MINDY3: variants seen among roughly 807,000 people sequenced by gnomAD.
MINDY3 encodes ubiquitin carboxyl-terminal hydrolase MINDY-3.
A neutral mutation model predicts 69.2 loss-of-function variants in MINDY3; 38 were observed. The ratio of observed to expected loss-of-function variants is 0.55; its 90% confidence interval spans 0.42 to 0.72. The LOEUF (loss-of-function observed/expected upper bound fraction) is 0.72, where lower values mean the gene tolerates loss of function less well. Ranked by LOEUF, MINDY3 falls within the 30% of genes least tolerant of loss-of-function variation. The pLI, the probability that MINDY3 is intolerant of heterozygous loss-of-function variation, is 0.00. For synonymous variants in MINDY3, 192 were observed against 180.1 expected (o/e 1.07, Z -0.53); for missense variants, 522 against 519.0 (o/e 1.01, Z -0.06).
chr10:15,793,822 A>G (rs1312255290), intron 11 of MINDY3, among the ~76,000 whole-genome samples: 1 of 152,064 alleles, frequency 6.6e-6, no homozygotes, highest in Non-Finnish European at 1.5e-5. Context: ...TGCTTCAGAA[A>G]TCGTAACATT....
chr10:15,832,171 G>A (rs905331474), intron 8 of MINDY3, among the ~76,000 whole-genome samples: 3 of 152,116 alleles, frequency 2.0e-5, no homozygotes, highest in South Asian at 2.1e-4. Context: ...AGTACCAAGT[G>A]TGAGAGAGAG....
intron 14 of MINDY3, among the ~76,000 whole-genome samples, chr10:15,781,465 A>ATTT (rs1008219750): frequency 3.3e-5 from 5 of 151,218 alleles, no homozygotes; most frequent in African/African-American, 1.2e-4. Flanking sequence ...AAATGCAAAG[A>ATTT]TAATAGACAC....
rs1837456739 is a variant in MINDY3, at chr10:15,791,967, CA to C, written c.956-2649del. Among the ~76,000 whole-genome samples, 3 of 151,902 alleles carry C rather than the reference CA, an allele frequency of 2.0e-5. No individual in the cohort carries two copies. In the South Asian group the frequency reaches 6.2e-4, roughly 32 times the overall value. On this transcript the variant is annotated intron_variant, in intron 11 of 14. Coordinates refer to ENST00000277632, the MANE Select transcript of MINDY3 (RefSeq NM_024948.4). ...GAAGAGAAGCCAAATGTTGGATACT[CA>C]AAACTAACAGAGAAGCTGGAAAAAG...
At chr10:15,820,643 G>A (rs1358908157) in intron 9 of MINDY3, among the ~76,000 whole-genome samples, 3 of 152,178 alleles carry the variant, frequency 2.0e-5, no homozygotes, top group Non-Finnish European at 4.4e-5. Context: ...ACTACTAAAG[G>A]AGTAAGGGCA....
At chr10:15,846,916 G>C (rs563477732) in intron 2 of MINDY3, among the ~76,000 whole-genome samples, 201 of 151,868 alleles carry the variant, frequency 1.3e-3, no homozygotes, top group African/African-American at 4.6e-3. Flanking sequence ...GTAGAGACGG[G>C]GTTTCACCAT....
intron 1 of MINDY3, among the ~76,000 whole-genome samples, chr10:15,858,934 G>GA (rs1256036298): frequency 3.3e-5 from 5 of 151,598 alleles, no homozygotes; most frequent in African/African-American, 7.3e-5. Flanking sequence ...AATTGAATGT[G>GA]AAAAAAAAGA....
intron 12 of MINDY3, chr10:15,789,011 T>C (rs1473535485): frequency 1.1e-5 from 4 of 362,732 alleles, no homozygotes; most frequent in African/African-American, 2.1e-5. Context: ...AAGACACTTT[T>C]AGCATTTTTT....
intron 6 of MINDY3, among the ~76,000 whole-genome samples, chr10:15,836,677 T>A (rs993705278): frequency 1.3e-5 from 2 of 150,270 alleles, no homozygotes; most frequent in African/African-American, 4.9e-5. Flanking sequence ...CCTGAGCAAA[T>A]GAAATATCCA....
intron 2 of MINDY3, among the ~76,000 whole-genome samples, chr10:15,845,893 G>A (rs770787767): frequency 1.4e-5 from 2 of 145,808 alleles, no homozygotes; most frequent in Non-Finnish European, 3.0e-5. Context: ...CGTGATCTCG[G>A]CTCACTGCAA....
intron 2 of MINDY3, among the ~76,000 whole-genome samples, chr10:15,845,716 A>G (rs1318789185): frequency 6.7e-6 from 1 of 149,494 alleles, no homozygotes; most frequent in African/African-American, 2.5e-5. Context: ...TCTGTTGCCC[A>G]GCCTGGTTTT....
At chr10:15,822,480 G>T (rs990458614) in intron 8 of MINDY3, among the ~76,000 whole-genome samples, 1 of 152,132 alleles carries the variant, frequency 6.6e-6, no homozygotes, top group African/African-American at 2.4e-5. Flanking sequence ...CAAAGCAGAA[G>T]AAACAACAAA....
chr10:15,820,580 A>G (rs984975362), intron 9 of MINDY3, among the ~76,000 whole-genome samples: 3 of 152,152 alleles, frequency 2.0e-5, no homozygotes, highest in Non-Finnish European at 2.9e-5. Flanking sequence ...AGTTTACACA[A>G]TTAAAGTCAC....
chr10:15,845,433 T>C (rs1234572168), intron 2 of MINDY3, among the ~76,000 whole-genome samples: 1 of 152,232 alleles, frequency 6.6e-6, no homozygotes, highest in African/African-American at 2.4e-5. Flanking sequence ...GTCTCCTTAA[T>C]AACTTAGTTT....
chr10:15,798,526 C>A lies in MINDY3; in HGVS notation c.883-2354G>T, dbSNP rs117270767. 1.5e-4 allele frequency among the ~76,000 whole-genome samples: 23 copies of A among 150,572 alleles called. No individual in the cohort carries two copies. The East Asian group carries it at 4.5e-3, about 29-fold the overall frequency. On this transcript the variant is annotated intron_variant, in intron 10 of 14. Transcript: ENST00000277632. ...GGCACGGTGTGTCACGCCTGTAATC[C>A]CAGGACTTTGGGAGGCCAAGGTGGG...
chr10:15,837,985 T>G, intron 5 of MINDY3: 1 of 972,976 alleles, frequency 1.0e-6, no homozygotes, highest in Non-Finnish European at 1.2e-6. Flanking sequence ...ATTGTAATGA[T>G]GAAAAAGCTT....
At chr10:15,848,806 A>G (rs1834060691) in intron 1 of MINDY3, among the ~76,000 whole-genome samples, 1 of 152,188 alleles carries the variant, frequency 6.6e-6, no homozygotes, top group African/African-American at 2.4e-5. Flanking sequence ...AGGAGAACCC[A>G]GTGACCATCT....
At chr10:15,803,927 A>G (rs1838443313) in intron 10 of MINDY3, among the ~76,000 whole-genome samples, 1 of 151,904 alleles carries the variant, frequency 6.6e-6, no homozygotes, top group African/African-American at 2.4e-5. Context: ...CCTAGTTGTA[A>G]TACTTAGGAG....
chr10:15,837,960 A>G (rs909509155), intron 5 of MINDY3: 1 of 959,752 alleles, frequency 1.0e-6, no homozygotes, highest in Non-Finnish European at 1.2e-6. Flanking sequence ...CATTAAGCTA[A>G]AATGATTTTT....
At chr10:15,795,189 T>A (rs1343491963) in intron 11 of MINDY3, among the ~76,000 whole-genome samples, 2 of 152,100 alleles carry the variant, frequency 1.3e-5, no homozygotes, top group Non-Finnish European at 2.9e-5. Flanking sequence ...ATTCATTTAA[T>A]ATTCATAACG....
Sources: allele counts gnomAD v4.1 joint callset (sites outside exome capture counted in the v4.1 genomes callset), GRCh38; gene constraint gnomAD v4.1.1; transcripts MANE v1.5; gene names NCBI Gene and HGNC (gene_info 2026-07-23, HGNC 2026-07-21).